Variants in PALLD observed in about 807,000 individuals in gnomAD.
PALLD encodes the protein palladin, cytoskeletal associated protein, also known as palladin.
In PALLD, 61 loss-of-function variants were observed where a neutral mutation model predicts 123.5. The observed-to-expected ratio is 0.49, with a 90% CI of 0.40 to 0.61. The LOEUF (loss-of-function observed/expected upper bound fraction) is 0.61. Among genes scored for constraint, PALLD ranks in the 20% least tolerant of loss-of-function variants. The pLI is 0.00. For synonymous variants in PALLD, 465 were observed against 496.4 expected (o/e 0.94, Z 0.84); for missense variants, 1,273 against 1,377.0 (o/e 0.92, Z 1.20).
chr4:168,560,521 G>A (rs553181208), intron 2 of PALLD, among the ~76,000 whole-genome samples: 16 of 152,306 alleles, frequency 1.1e-4, no homozygotes, highest in East Asian at 1.9e-4. Context: ...ATTGGAAGAC[G>A]AAGAGTATGA....
chr4:168,599,387 C>T (rs147763009), intron 2 of PALLD, among the ~76,000 whole-genome samples: 8 of 152,286 alleles, frequency 5.3e-5, no homozygotes, highest in Admixed American at 5.2e-4. Context: ...AAGTTGGCAG[C>T]ATGTACCAAA....
intron 10 of PALLD, among the ~76,000 whole-genome samples, chr4:168,888,235 G>A (rs1039619989): frequency 6.6e-6 from 1 of 152,200 alleles, no homozygotes; most frequent in Admixed American, 6.5e-5. Flanking sequence ...GTAAAGTCTA[G>A]TGTTACCTTA....
rs531949882 is a variant in PALLD at position 168,623,013 on chromosome 4, G to T, written c.909-45177G>T. Among the ~76,000 whole-genome samples the T allele has an allele frequency of 2.6e-5, 4 of 152,282 alleles. No homozygotes were observed. The South Asian group carries it at 8.3e-4, about 32-fold the overall frequency. The stretch of plus-strand genomic sequence containing the variant: ...TAGGAGAGTTAAGCCCACTATCAAG[G>T]TACTTATTATTGAATTGACACTCTG... On this transcript the variant is annotated intron_variant, in intron 2 of 21. Coordinates refer to ENST00000505667, the MANE Select transcript of PALLD (RefSeq NM_001166108.2).
chr4:168,576,177 C>T (rs918724422), intron 2 of PALLD, among the ~76,000 whole-genome samples: 3 of 151,982 alleles, frequency 2.0e-5, no homozygotes, highest in Non-Finnish European at 4.4e-5. Context: ...AAAATTGGAA[C>T]ACTTCATAAT....
chr4:168,575,604 T>C (rs900301338), intron 2 of PALLD, among the ~76,000 whole-genome samples: 2 of 152,038 alleles, frequency 1.3e-5, no homozygotes, highest in East Asian at 3.9e-4. Flanking sequence ...GGATGAAGAA[T>C]TGGCATTTCT....
chr4:168,840,744 A>G (rs1311550421), intron 10 of PALLD, among the ~76,000 whole-genome samples: 2 of 152,212 alleles, frequency 1.3e-5, no homozygotes, highest in African/African-American at 4.8e-5. Context: ...AGGCAGTGCT[A>G]TATGGGAGGG....
chr4:168,665,725 G>T (rs1248236534), intron 2 of PALLD, among the ~76,000 whole-genome samples: 1 of 152,108 alleles, frequency 6.6e-6, no homozygotes, highest in Non-Finnish European at 1.5e-5. Flanking sequence ...CAGTAGATTT[G>T]GGGTGAGGGT....
At chr4:168,914,294 C>T (rs527783466) in intron 16 of PALLD, among the ~76,000 whole-genome samples, 1 of 152,284 alleles carries the variant, frequency 6.6e-6, no homozygotes, top group South Asian at 2.1e-4. Flanking sequence ...TAAATCAAGA[C>T]TCAGCACTTT....
chr4:168,557,937 C>T (rs75943856), intron 2 of PALLD, among the ~76,000 whole-genome samples: 4,613 of 152,246 alleles, frequency 0.03, 108 homozygotes, highest in South Asian at 0.14. Flanking sequence ...GGAGATAGGA[C>T]AATCCTTACT....
chr4:168,768,121 C>T (rs895071452), intron 10 of PALLD, among the ~76,000 whole-genome samples: 4 of 152,186 alleles, frequency 2.6e-5, no homozygotes, highest in Non-Finnish European at 2.9e-5. Context: ...CTCTCCCATC[C>T]GCATTCCACT....
intron 2 of PALLD, among the ~76,000 whole-genome samples, chr4:168,532,282 C>T (rs62333841): frequency 0.11 from 16,689 of 152,254 alleles, 1,137 homozygotes; most frequent in Non-Finnish European, 0.16. Context: ...AAGCCCTACT[C>T]TTATTCTCTA....
At chr4:168,858,527 C>T (rs1415978324) in intron 10 of PALLD, among the ~76,000 whole-genome samples, 2 of 152,030 alleles carry the variant, frequency 1.3e-5, no homozygotes, top group Non-Finnish European at 2.9e-5. Flanking sequence ...TCACGCCTGT[C>T]ATCCCAGCAC....
At chr4:168,908,131 C>T (rs1371227059) in intron 15 of PALLD, among the ~76,000 whole-genome samples, 2 of 152,152 alleles carry the variant, frequency 1.3e-5, no homozygotes, top group Non-Finnish European at 1.5e-5. Context: ...AGTTTCTGAG[C>T]ATGTTGCCTA....
At chr4:168,759,035 C>T (rs1006001819) in intron 10 of PALLD, among the ~76,000 whole-genome samples, 5 of 151,008 alleles carry the variant, frequency 3.3e-5, no homozygotes, top group Non-Finnish European at 4.4e-5. Flanking sequence ...AAAAATTAGC[C>T]AGGCGTGATA....
chr4:168,539,568 AAAATAAATAAATAAATAAATAAAT>A (rs150961800), intron 2 of PALLD, among the ~76,000 whole-genome samples: 5 of 145,510 alleles, frequency 3.4e-5, no homozygotes, highest in South Asian at 2.2e-4. Context: ...TCAAAAAATA[AAAATAAATAAATAAATAAATAAAT>A]AAATAAATAA....
At chr4:168,580,910 AG>A (rs1433150485) in intron 2 of PALLD, among the ~76,000 whole-genome samples, 4 of 152,166 alleles carry the variant, frequency 2.6e-5, no homozygotes. Flanking sequence ...TATAATTAGC[AG>A]CCAAAAAATG....
At chr4:168,590,864 GTTTTTTTTTT>G (rs371992201) in intron 2 of PALLD, among the ~76,000 whole-genome samples, 3 of 70,194 alleles carry the variant, frequency 4.3e-5, no homozygotes, top group East Asian at 4.0e-4. Flanking sequence ...GACCTAGAAA[GTTTTTTTTTT>G]TTTTTTTTTT....
chr4:168,515,123 T>C (rs1762871130), intron 2 of PALLD, among the ~76,000 whole-genome samples: 1 of 152,162 alleles, frequency 6.6e-6, no homozygotes, highest in Admixed American at 6.5e-5. Flanking sequence ...TGTTTTTGTT[T>C]GAGAGGGAGA....
chr4:168,669,411 C>T (rs927957489), intron 3 of PALLD, among the ~76,000 whole-genome samples: 1 of 150,968 alleles, frequency 6.6e-6, no homozygotes, highest in African/African-American at 2.5e-5. Context: ...AAAAACAAAA[C>T]AAAACAAAAC....
Sources: gnomAD v4.1 joint callset for allele counts (sites outside exome capture counted in the v4.1 genomes callset) on GRCh38, gnomAD v4.1.1 for gene constraint, MANE v1.5 for transcripts, NCBI Gene and HGNC (gene_info 2026-07-23, HGNC 2026-07-21) for gene names.